Variants in PIK3C3 observed in about 807,000 individuals in gnomAD.
PIK3C3 encodes PI3-kinase type 3.
A neutral mutation model predicts 126.1 loss-of-function variants in PIK3C3; 95 were observed. That is an observed-to-expected ratio of 0.75 (90% CI 0.64 to 0.89). The LOEUF is 0.89. Ranked by LOEUF, PIK3C3 falls within the 40% of genes least tolerant of loss-of-function variation. PIK3C3 has a pLI of 0.00. For synonymous variants in PIK3C3, 374 were observed against 360.0 expected, an observed-to-expected ratio of 1.04 and a Z score of -0.44; for missense variants, 829 against 1,063.2, an observed-to-expected ratio of 0.78 and a Z score of 3.06.
intron 12 of PIK3C3, among the ~76,000 whole-genome samples, 191 bp from the exon 13 acceptor site, chr18:42,020,447 T>C (rs1983270747): frequency 6.6e-6 from 1 of 152,176 alleles, no homozygotes; most frequent in South Asian, 2.1e-4. Flanking sequence ...AACTGCGGTA[T>C]TCTAACCACT....
intron 24 of PIK3C3, among the ~76,000 whole-genome samples, chr18:42,073,960 T>C (rs919091799): frequency 6.6e-6 from 1 of 152,186 alleles, no homozygotes; most frequent in African/African-American, 2.4e-5. Flanking sequence ...GTTCAGAGTA[T>C]GTATAAAAAC....
intron 9 of PIK3C3, among the ~76,000 whole-genome samples, chr18:42,000,228 T>C (rs1389999135): frequency 6.6e-6 from 1 of 151,990 alleles, no homozygotes; most frequent in Non-Finnish European, 1.5e-5. Context: ...AATTTTGTCT[T>C]TTTAGTAGAG....
chr18:41,963,298 T>C (rs1032662314), intron 3 of PIK3C3, among the ~76,000 whole-genome samples: 1 of 152,224 alleles, frequency 6.6e-6, no homozygotes, highest in Non-Finnish European at 1.5e-5. Context: ...TAACTTTCTT[T>C]CCCTTTACCG....
intron 9 of PIK3C3, among the ~76,000 whole-genome samples, chr18:41,999,430 T>C (rs1568128995): frequency 6.6e-6 from 1 of 152,168 alleles, no homozygotes; most frequent in Non-Finnish European, 1.5e-5. Flanking sequence ...GTGAAGATAA[T>C]AGTGATGCAC....
intron 18 of PIK3C3, among the ~76,000 whole-genome samples, chr18:42,039,708 G>A (rs1451264770): frequency 2.0e-5 from 3 of 152,002 alleles, no homozygotes; most frequent in East Asian, 1.9e-4. Context: ...GATGTCCTTC[G>A]ATCCCTACTG....
intron 10 of PIK3C3, among the ~76,000 whole-genome samples, chr18:42,007,151 A>G (rs1982590271): frequency 6.6e-6 from 1 of 152,190 alleles, no homozygotes; most frequent in African/African-American, 2.4e-5. Flanking sequence ...TACAGGCATG[A>G]GCCACCACAC....
At position 42,021,521 on chromosome 18, in the gene PIK3C3, G is replaced by A. The variant is rs150142840; in HGVS notation, c.1484+816G>A. Among the ~76,000 whole-genome samples, 9 of 152,314 alleles carry A rather than the reference G, an allele frequency of 5.9e-5. No homozygotes were observed. The East Asian group carries it at 1.7e-3, about 29-fold the overall frequency. Reference sequence around the variant, plus strand: ...ACGGAGCAAACAAAGGGCAGAGCCAGGTGGGTAAGACCTGCCTACAGCCTT... The same window carrying A: ...ACGGAGCAAACAAAGGGCAGAGCCAAGTGGGTAAGACCTGCCTACAGCCTT... On this transcript the variant is annotated intron_variant, in intron 13 of 24. Coordinates refer to ENST00000262039, the MANE Select transcript of PIK3C3 (RefSeq NM_002647.4).
At chr18:42,020,132 G>T (rs889669706) in intron 12 of PIK3C3, among the ~76,000 whole-genome samples, 1 of 151,836 alleles carries the variant, frequency 6.6e-6, no homozygotes, top group Non-Finnish European at 1.5e-5. Flanking sequence ...TCCTTTGTTG[G>T]GTATCCATTG....
At chr18:42,075,562 G>A (rs926972208) in intron 24 of PIK3C3, among the ~76,000 whole-genome samples, 1 of 151,914 alleles carries the variant, frequency 6.6e-6, no homozygotes, top group Middle Eastern at 3.2e-3. Context: ...CACCTGTGAA[G>A]TAAGTGTACT....
At chr18:41,956,151 A>G (rs73950814) in intron 1 of PIK3C3, among the ~76,000 whole-genome samples, 5,844 of 152,272 alleles carry the variant, frequency 0.038, 356 homozygotes, top group African/African-American at 0.13. Flanking sequence ...ATTAATAAAC[A>G]TTTCTTGTGT....
At chr18:42,013,063 A>G (rs1305445756) in intron 10 of PIK3C3, among the ~76,000 whole-genome samples, 3 of 150,882 alleles carry the variant, frequency 2.0e-5, no homozygotes, top group African/African-American at 7.3e-5. Context: ...GAAAAAAAGG[A>G]TCCTTCTATA....
rs1984704544 is a variant in PIK3C3, at chr18:42,049,600, A to C, written c.2258A>C (p.Lys753Thr). 2 of 1,609,404 alleles carry C rather than the reference A, an allele frequency of 1.2e-6. No homozygotes were observed. The highest frequency in any genetic ancestry group is 1.1e-5 in the South Asian group (1 of 90,956). ...DRHLDNLLLT[K>T]TGKLFHIDFG... Reference sequence around the variant, plus strand: ...CACCTGGATAACCTTTTGCTAACAAAAACAGGTAACAATTAATGACTACCA... The same window carrying C: ...CACCTGGATAACCTTTTGCTAACAACAACAGGTAACAATTAATGACTACCA... Residue 753 changes from lysine to threonine, a missense_variant, in exon 21 of 25, where the codon AAA (lysine) becomes ACA (threonine). This residue lies in a region of PIK3C3 where 196 missense variants were observed against 312.8 expected (regional missense o/e 0.63). Transcript: ENST00000262039.
In PIK3C3 at chr18:42,081,327, G is replaced by A. The variant is rs1018872474; in HGVS notation, c.*190G>A. On this transcript the variant is annotated 3_prime_UTR_variant, in exon 25 of 25. Coordinates refer to ENST00000262039, the MANE Select transcript of PIK3C3 (RefSeq NM_002647.4). ...GATGTCATTGCTTAAATATAGTCTT[G>A]AAGGGCTTGTTTTGAAATATTGTAT... is the stretch of plus-strand genomic sequence containing the variant. The A allele has an allele frequency of 4.4e-6, 2 of 450,122 alleles. No homozygotes were observed. The highest frequency in any genetic ancestry group is 4.1e-5 in the Admixed American group (1 of 24,662). The allele number at this position is 450,122 out of a possible 1,614,324, so 27.9% of individuals were successfully genotyped here.
intron 15 of PIK3C3, among the ~76,000 whole-genome samples, chr18:42,030,824 A>G (rs1983790442): frequency 6.6e-6 from 1 of 152,176 alleles, no homozygotes; most frequent in South Asian, 2.1e-4. Context: ...TTTGGGGCTT[A>G]TATTTGAAAG....
chr18:42,072,184 A>C (rs1010153055), intron 24 of PIK3C3, among the ~76,000 whole-genome samples: 2 of 152,212 alleles, frequency 1.3e-5, no homozygotes, highest in Non-Finnish European at 2.9e-5. Flanking sequence ...CAATATTGTT[A>C]ATCGATTTAT....
rs760970794 is a variant in PIK3C3 at position 42,043,762 on chromosome 18, G to C, written c.2133G>C (p.Glu711Asp). Residue 711 changes from glutamate to aspartate, a missense_variant, in exon 20 of 25, where the codon GAG (glutamate) becomes GAC (aspartate). Physicochemically the swap from Glu to Asp is conservative, Grantham distance 45. Around this residue, in one of 4 missense-constraint regions of PIK3C3, gnomAD observed 196 missense variants for 312.8 expected, o/e 0.63. Coordinates refer to ENST00000262039, the MANE Select transcript of PIK3C3 (RefSeq NM_002647.4). ...TTTTTAGAAAATATGCACCAAGTGA[G>C]AATGGGCCAAATGGGATTAGTGCTG... Reference protein sequence around the residue: ...QNFFRKYAPSENGPNGISAEV... With the variant: ...QNFFRKYAPSDNGPNGISAEV... The C allele has an allele frequency of 9.9e-6, 16 of 1,612,998 alleles. No homozygotes were observed. Among genetic ancestry groups the C allele is most frequent in the Non-Finnish European group, 1.3e-5 (15 of 1,179,252 alleles).
At chr18:42,046,523 A>G (rs994084603) in intron 20 of PIK3C3, among the ~76,000 whole-genome samples, 3 of 152,124 alleles carry the variant, frequency 2.0e-5, no homozygotes, top group Admixed American at 6.5e-5. Flanking sequence ...TATAAAAACA[A>G]TTTCAAGATG....
intron 16 of PIK3C3, among the ~76,000 whole-genome samples, chr18:42,036,193 A>G (rs960180795): frequency 6.6e-6 from 1 of 152,160 alleles, no homozygotes; most frequent in African/African-American, 2.4e-5. Flanking sequence ...TTTTAAACAT[A>G]CATTCTCTGA....
intron 24 of PIK3C3, among the ~76,000 whole-genome samples, chr18:42,069,208 G>C (rs549944808): frequency 6.6e-6 from 1 of 152,194 alleles, no homozygotes; most frequent in Non-Finnish European, 1.5e-5. Flanking sequence ...CTCAGGGTCT[G>C]CTTCATGGGT....
Sources: gnomAD v4.1 joint callset for allele counts (sites outside exome capture counted in the v4.1 genomes callset) on GRCh38, gnomAD v4.1.1 for gene constraint, gnomAD v4.1.1 regional missense constraint, MANE v1.5 for transcripts, NCBI Gene and HGNC (gene_info 2026-07-23, HGNC 2026-07-21) for gene names.